The following SHPK variants were observed in gnomAD, a reference collection of about 807,000 sequenced individuals.
The protein encoded by SHPK is carbohydrate kinase-like protein.
A neutral mutation model predicts 46.3 loss-of-function variants in SHPK; 51 were observed. The observed-to-expected ratio is 1.10, with a 90% CI of 0.88 to 1.39. SHPK has a LOEUF of 1.39. Ranked by LOEUF, SHPK falls within the 40% of genes most tolerant of loss-of-function variation. The pLI is 0.00. For missense variants in SHPK, 668 were observed against 641.3 expected (o/e 1.04, Z -0.45); for synonymous variants, 290 against 273.9 (o/e 1.06, Z -0.58).
At chr17:3,626,160 T>C (rs2075435651) in intron 2 of SHPK, among the ~76,000 whole-genome samples, 1 of 152,358 alleles carries the variant, frequency 6.6e-6, no homozygotes, top group Non-Finnish European at 1.5e-5. Context: ...TCATATGGGA[T>C]CTGATCTTTT....
At chr17:3,612,164 C>T (rs562267545) in intron 6 of SHPK, among the ~76,000 whole-genome samples, 9 of 151,464 alleles carry the variant, frequency 5.9e-5, no homozygotes, top group South Asian at 4.2e-4. Flanking sequence ...CGGTGGCTTA[C>T]GCTGTAATCC....
chr17:3,620,879 A>C (rs963287010), intron 5 of SHPK, among the ~76,000 whole-genome samples: 6 of 152,184 alleles, frequency 3.9e-5, no homozygotes, highest in Non-Finnish European at 7.3e-5. Context: ...TTCTAATCAG[A>C]TCTGACATCA....
At position 3,636,215 on chromosome 17, in the gene SHPK, G is replaced by C. The variant is rs770810902; in HGVS notation, c.5C>G (p.Ala2Gly). ...AATGCCGAGGGTGATCGGCCGCGCAGCCATTATCTCCCTGACCCGCGCAGC... is the reference window on the plus strand; with the variant it reads ...AATGCCGAGGGTGATCGGCCGCGCACCCATTATCTCCCTGACCCGCGCAGC... M[A>G]ARPITLGIDL... Residue 2 changes from alanine (A) to glycine (G), a missense_variant, in exon 1 of 7, where the codon GCT (alanine) becomes GGT (glycine). By Grantham distance (60) the Ala-to-Gly change is moderately conservative (BLOSUM62 0). Coordinates refer to ENST00000225519, the MANE Select transcript of SHPK (RefSeq NM_013276.4). 6.2e-7 allele frequency: 1 copy of C among 1,602,430 alleles called. No individual in the cohort carries two copies. Among genetic ancestry groups the C allele is most frequent in the East Asian group, 2.3e-5 (1 of 44,286 alleles).
At chr17:3,620,644 C>T (rs150856) in intron 5 of SHPK, among the ~76,000 whole-genome samples, 7 of 151,794 alleles carry the variant, frequency 4.6e-5, no homozygotes, top group Non-Finnish European at 7.4e-5. Flanking sequence ...TCACTGAAAC[C>T]TCCGCCTCCC....
At chr17:3,626,035 A>G (rs1305842836) in intron 2 of SHPK, among the ~76,000 whole-genome samples, 1 of 150,584 alleles carries the variant, frequency 6.6e-6, no homozygotes, top group African/African-American at 2.4e-5. Context: ...CCTGGGCAAC[A>G]GAGTGAGGCT....
At chr17:3,614,848 A>AG (rs1452804998) in intron 6 of SHPK, among the ~76,000 whole-genome samples, 1 of 105,192 alleles carries the variant, frequency 9.5e-6, no homozygotes, top group African/African-American at 3.9e-5. Flanking sequence ...ACTCCGTCTC[A>AG]AAAAAAAAAA....
At position 3,610,241 on chromosome 17, in the gene SHPK, G is replaced by C. The variant is rs1046837947; in HGVS notation, c.*319C>G. ...ACATTGATCTGCTCTCTGTCTACAG[G>C]TGAACCACAGATGAGCCTGCTGACC... On this transcript the variant is annotated 3_prime_UTR_variant, in exon 7 of 7. Coordinates refer to ENST00000225519, the MANE Select transcript of SHPK (RefSeq NM_013276.4). The C allele has an allele frequency of 3.3e-6, 1 of 299,838 alleles. No homozygotes were observed. The highest frequency in any genetic ancestry group is 4.3e-5 in the Admixed American group (1 of 23,026). The allele number at this position is 299,838 out of a possible 1,614,324, so 18.6% of individuals were successfully genotyped here. A position where few individuals can be genotyped will look rare whatever the true frequency, so the allele number is the denominator to read the frequency against.
intron 6 of SHPK, 78 bp from the exon 7 acceptor site, chr17:3,611,050 G>C: frequency 1.4e-5 from 18 of 1,332,610 alleles, no homozygotes; most frequent in Non-Finnish European, 1.7e-5. Flanking sequence ...AATTCCCACA[G>C]GGTGGGAACA....
chr17:3,610,471 C>T lies in SHPK; in HGVS notation c.*89G>A, dbSNP rs916913256. ...CACTGCTTGAAAGCTGTCCACTGAA[C>T]GGTCCAGGGAAAGGATGACCCACAG... On this transcript the variant is annotated 3_prime_UTR_variant, in exon 7 of 7. Coordinates refer to ENST00000225519, the MANE Select transcript of SHPK (RefSeq NM_013276.4). The T allele has an allele frequency of 5.5e-5, 74 of 1,351,638 alleles. 2 individuals are homozygous for T. The highest frequency in any genetic ancestry group is 3.8e-4 in the Middle Eastern group (2 of 5,322). 83.7% of individuals were successfully genotyped at this position (1,351,638 alleles called of 1,614,324 possible). A position where few individuals can be genotyped will look rare whatever the true frequency, so the allele number is the denominator to read the frequency against.
chr17:3,618,428 T>C (rs16942462), intron 5 of SHPK, among the ~76,000 whole-genome samples: 8,661 of 152,202 alleles, frequency 0.057, 380 homozygotes, highest in African/African-American at 0.12. Context: ...AAAATTTAAA[T>C]GTACTTCTTC....
At chr17:3,627,756 T>C (rs1360979204) in intron 2 of SHPK, among the ~76,000 whole-genome samples, 6 of 150,618 alleles carry the variant, frequency 4.0e-5, no homozygotes, top group African/African-American at 1.2e-4. Flanking sequence ...AAGGAAGGCA[T>C]GTGACCGGAT....
At chr17:3,618,520 G>A (rs1034923977) in intron 5 of SHPK, among the ~76,000 whole-genome samples, 4 of 152,048 alleles carry the variant, frequency 2.6e-5, no homozygotes, top group African/African-American at 9.7e-5. Flanking sequence ...AGTGGCTCAC[G>A]CCTGTAATCC....
At chr17:3,614,921 A>G (rs1051854855) in intron 6 of SHPK, among the ~76,000 whole-genome samples, 7 of 152,206 alleles carry the variant, frequency 4.6e-5, no homozygotes, top group Admixed American at 1.3e-4. Context: ...TTCTCAGGAT[A>G]TAAGTGCATT....
intron 2 of SHPK, among the ~76,000 whole-genome samples, chr17:3,626,517 G>T (rs946753815): frequency 3.3e-5 from 5 of 151,502 alleles, no homozygotes; most frequent in Non-Finnish European, 2.9e-5. Context: ...GGAGTTCAAG[G>T]CCAGCCTGGC....
At position 3,621,710 on chromosome 17, in the gene SHPK, T is replaced by G. The variant is rs1391206230; in HGVS notation, c.648-298A>C. Among the ~76,000 whole-genome samples, 6 of 150,796 alleles carry G rather than the reference T, an allele frequency of 4.0e-5. No individual in the cohort carries two copies. The South Asian group carries it at 1.3e-3, about 32-fold the overall frequency. Reference sequence around the variant, plus strand: ...CTCTGTTGCCCAGGCTGGAGTGCAGTGGCACCATCTCAGCTCACTGCAACC... The same window carrying G: ...CTCTGTTGCCCAGGCTGGAGTGCAGGGGCACCATCTCAGCTCACTGCAACC... On this transcript the variant is annotated intron_variant, in intron 4 of 6. Coordinates refer to ENST00000225519, the MANE Select transcript of SHPK (RefSeq NM_013276.4).
intron 3 of SHPK, 62 bp from the exon 4 acceptor site, chr17:3,623,553 C>T: frequency 1.3e-6 from 2 of 1,536,322 alleles, no homozygotes; most frequent in Non-Finnish European, 1.8e-6. Context: ...ATGTGCCGCA[C>T]CTAGCTGCAG....
intron 1 of SHPK, among the ~76,000 whole-genome samples, chr17:3,631,301 G>A (rs2075470079): frequency 6.8e-6 from 1 of 147,142 alleles, no homozygotes. Context: ...GGCTATGCAG[G>A]ATCACCAGAG....
At chr17:3,623,839 G>T (rs1196022073) in intron 3 of SHPK, among the ~76,000 whole-genome samples, 3 of 152,192 alleles carry the variant, frequency 2.0e-5, no homozygotes, top group African/African-American at 7.2e-5. Context: ...CTTTCCCTAT[G>T]TGGGTGGGAA....
intron 1 of SHPK, among the ~76,000 whole-genome samples, chr17:3,635,232 A>AGGAG (rs2075507137): frequency 7.6e-6 from 1 of 132,324 alleles, no homozygotes; most frequent in East Asian, 3.0e-4. Context: ...GAAGGAAGGA[A>AGGAG]GGAAGGAAGG....
Sources: gnomAD v4.1 joint callset for allele counts (sites outside exome capture counted in the v4.1 genomes callset) on GRCh38, gnomAD v4.1.1 for gene constraint, MANE v1.5 for transcripts, NCBI Gene and HGNC (gene_info 2026-07-23, HGNC 2026-07-21) for gene names.